The following SEMA5A variants were observed in gnomAD, a reference collection of about 807,000 sequenced individuals.
SEMA5A encodes semaphorin 5A.
A neutral mutation model predicts 135.5 loss-of-function variants in SEMA5A; 55 were observed. That is an observed-to-expected ratio of 0.41 (90% CI 0.33 to 0.51). The LOEUF (loss-of-function observed/expected upper bound fraction) is 0.51. Among genes scored for constraint, SEMA5A ranks in the 20% least tolerant of loss-of-function variants. SEMA5A has a pLI of 0.37. For synonymous variants in SEMA5A, 580 were observed against 546.5 expected, an observed-to-expected ratio of 1.06 and a Z score of -0.85; for missense variants, 1,290 against 1,419.9, an observed-to-expected ratio of 0.91 and a Z score of 1.47.
intron 5 of SEMA5A, among the ~76,000 whole-genome samples, chr5:9,270,151 C>A (rs574036907): frequency 6.6e-6 from 1 of 152,098 alleles, no homozygotes; most frequent in Admixed American, 6.5e-5. Context: ...GCAGGAGAAA[C>A]CCAGGGCATT....
At chr5:9,064,550 AC>A (rs11316939) in intron 17 of SEMA5A, among the ~76,000 whole-genome samples, 118,078 of 151,884 alleles carry the variant, frequency 0.78, 46,116 homozygotes, top group East Asian at 0.94. Context: ...AGAACAAAAA[AC>A]CCAAACACTG....
Position 9,226,859 on chromosome 5 carries a change from G to T in SEMA5A, c.432+10C>A, listed in dbSNP as rs750620846. 2 of 1,598,540 alleles carry T rather than the reference G, an allele frequency of 1.3e-6. No homozygotes were observed. Among genetic ancestry groups the T allele is most frequent in the Admixed American group, 1.7e-5 (1 of 58,514 alleles). On this transcript the variant is annotated intron_variant, in intron 7 of 22. Coordinates refer to ENST00000382496, the MANE Select transcript of SEMA5A (RefSeq NM_003966.3). ...ATTAAATTCTTTTGAGGCACAAAAA[G>T]AAGCCATACCGAGCGGTTGGTGCAG...
chr5:9,288,836 C>T (rs576299365), intron 5 of SEMA5A, among the ~76,000 whole-genome samples: 154 of 152,252 alleles, frequency 1.0e-3, no homozygotes, highest in African/African-American at 3.3e-3. Flanking sequence ...ATATCTCATT[C>T]ATATCATGTT....
At chr5:9,202,826 G>C (rs1745792455) in intron 8 of SEMA5A, among the ~76,000 whole-genome samples, 1 of 152,156 alleles carries the variant, frequency 6.6e-6, no homozygotes, top group Non-Finnish European at 1.5e-5. Flanking sequence ...AGCAATTTCT[G>C]TTGCTATGGT....
At chr5:9,052,247 T>G (rs1048443043) in intron 19 of SEMA5A, among the ~76,000 whole-genome samples, 3 of 152,240 alleles carry the variant, frequency 2.0e-5, no homozygotes, top group Non-Finnish European at 4.4e-5. Flanking sequence ...GTTATATATT[T>G]GATCAGATAT....
chr5:9,417,949 G>C (rs76950881), intron 2 of SEMA5A, among the ~76,000 whole-genome samples: 1 of 151,130 alleles, frequency 6.6e-6, no homozygotes, highest in Admixed American at 6.6e-5. Flanking sequence ...GCAGAGCAGA[G>C]CACAGGAGCA....
At chr5:9,122,555 T>G in intron 14 of SEMA5A, 101 bp downstream of exon 14, 1 of 1,209,006 alleles carries the variant, frequency 8.3e-7, no homozygotes, top group Non-Finnish European at 1.1e-6. Flanking sequence ...TTCACCACAG[T>G]TCTCTCCAAA....
intron 2 of SEMA5A, among the ~76,000 whole-genome samples, chr5:9,385,524 C>T (rs558938789): frequency 6.6e-6 from 1 of 152,196 alleles, no homozygotes; most frequent in South Asian, 2.1e-4. Context: ...AGTCCACAAA[C>T]CCCTCCTGCG....
At chr5:9,445,617 C>T (rs144383197) in intron 1 of SEMA5A, among the ~76,000 whole-genome samples, 10 of 152,018 alleles carry the variant, frequency 6.6e-5, no homozygotes, top group African/African-American at 2.4e-4. Context: ...TGCAATGAGC[C>T]GAGATGGCAC....
At chr5:9,189,409 A>C (rs79794583) in intron 11 of SEMA5A, among the ~76,000 whole-genome samples, 78,525 of 149,672 alleles carry the variant, frequency 0.52, 20,816 homozygotes, top group East Asian at 0.7. Context: ...AAAAAAAAAA[A>C]AACTAACTGG....
At chr5:9,085,788 T>TAAATTAC (rs1378114808) in intron 16 of SEMA5A, among the ~76,000 whole-genome samples, 1 of 152,078 alleles carries the variant, frequency 6.6e-6, no homozygotes, top group African/African-American at 2.4e-5. Context: ...CCAAGAATGG[T>TAAATTAC]AGATCCACTG....
At chr5:9,540,099 CAT>C (rs1737994778) in intron 1 of SEMA5A, among the ~76,000 whole-genome samples, 2 of 152,182 alleles carry the variant, frequency 1.3e-5, no homozygotes, top group African/African-American at 4.8e-5. Context: ...ATACTATATA[CAT>C]AGTCTCTAAG....
At chr5:9,051,771 T>G in intron 20 of SEMA5A, 102 bp downstream of exon 20, 2 of 1,430,456 alleles carry the variant, frequency 1.4e-6, no homozygotes, top group Admixed American at 3.7e-5. Flanking sequence ...GAATCATCTC[T>G]ATTTCACCAA....
At chr5:9,473,521 G>T (rs1460048001) in intron 1 of SEMA5A, among the ~76,000 whole-genome samples, 4 of 151,898 alleles carry the variant, frequency 2.6e-5, no homozygotes, top group Non-Finnish European at 5.9e-5. Flanking sequence ...AGCAGGCAGG[G>T]TATGTAGATT....
intron 20 of SEMA5A, among the ~76,000 whole-genome samples, chr5:9,051,511 C>T (rs909771720): frequency 1.3e-5 from 2 of 152,118 alleles, no homozygotes; most frequent in Non-Finnish European, 2.9e-5. Context: ...CTCTGTGTGC[C>T]AGTGCATACA....
At chr5:9,225,256 A>T (rs1214488874) in intron 7 of SEMA5A, among the ~76,000 whole-genome samples, 1 of 152,088 alleles carries the variant, frequency 6.6e-6, no homozygotes, top group African/African-American at 2.4e-5. Flanking sequence ...ATCACAATAA[A>T]GAATTATGTA....
At chr5:9,099,636 T>C (rs1739514121) in intron 16 of SEMA5A, among the ~76,000 whole-genome samples, 1 of 152,206 alleles carries the variant, frequency 6.6e-6, no homozygotes, top group Non-Finnish European at 1.5e-5. Context: ...GGACATGTCT[T>C]TCCCCATCAG....
chr5:9,146,663 G>T (rs574430609), intron 12 of SEMA5A, among the ~76,000 whole-genome samples: 7 of 152,128 alleles, frequency 4.6e-5, no homozygotes, highest in Admixed American at 1.3e-4. Flanking sequence ...ATGACAGCAG[G>T]TGATTTTACT....
rs558109077 is a variant in SEMA5A at position 9,311,606 on chromosome 5, G to C, written c.270+6766C>G. ...CGGGGACTGTTGTGGGGTCGGGGGA[G>C]GGGGGAGGGATAACATTAGGAGATA... On this transcript the variant is annotated intron_variant, in intron 5 of 22. Transcript: ENST00000382496. Among the ~76,000 whole-genome samples the C allele has an allele frequency of 3.7e-5, 5 of 133,906 alleles. No homozygotes were observed. The East Asian group carries it at 1.1e-3, about 29-fold the overall frequency. The allele number at this position is 133,906 out of a possible 152,430, so 87.8% of individuals were successfully genotyped here.
Sources: gnomAD v4.1 joint callset for allele counts (sites outside exome capture counted in the v4.1 genomes callset) on GRCh38, gnomAD v4.1.1 for gene constraint, MANE v1.5 for transcripts, NCBI Gene and HGNC (gene_info 2026-07-23, HGNC 2026-07-21) for gene names.